Variants in SERINC3 observed in about 807,000 individuals in gnomAD.
The protein encoded by SERINC3 is tumor differentially expressed protein 1.
A neutral mutation model predicts 52.1 loss-of-function variants in SERINC3; 22 were observed. The observed-to-expected ratio is 0.42, with a 90% CI of 0.30 to 0.60. The LOEUF is 0.60. Ranked by LOEUF, SERINC3 falls within the 20% of genes least tolerant of loss-of-function variation. SERINC3 has a pLI of 0.16. For synonymous variants in SERINC3, 226 were observed against 212.7 expected (o/e 1.06, Z -0.54); for missense variants, 564 against 584.6 (o/e 0.96, Z 0.36).
intron 1 of SERINC3, among the ~76,000 whole-genome samples, chr20:44,515,759 T>A (rs2064376533): frequency 6.6e-6 from 1 of 151,834 alleles, no homozygotes; most frequent in Non-Finnish European, 1.5e-5. Context: ...CAAGCAATTC[T>A]TGTGCTTTAG....
chr20:44,503,375 T>A (rs1224468949), intron 8 of SERINC3, among the ~76,000 whole-genome samples: 1 of 152,208 alleles, frequency 6.6e-6, no homozygotes, highest in Non-Finnish European at 1.5e-5. Context: ...AGGCTGGGCA[T>A]GGTGGCTCAC....
In SERINC3 at chr20:44,503,953, A is replaced by G. The variant is rs1293850731; in HGVS notation, c.917T>C (p.Ile306Thr). The G allele has an allele frequency of 1.2e-6, 2 of 1,602,064 alleles. No individual in the cohort carries two copies. Among genetic ancestry groups the G allele is most frequent in the Non-Finnish European group, 1.7e-6 (2 of 1,176,596 alleles). The change falls in exon 8 of 10, where the codon ATA (isoleucine) becomes ACA (threonine). Residue 306 changes from isoleucine (I) to threonine (T), a missense_variant. Physicochemically the swap from Ile to Thr is moderately conservative, Grantham distance 89. Transcript: ENST00000342374. ...TCCAGGAGCCAGGGTTGGTGCAGTT[A>G]TGCGTGTAATAAAGCTCATCAGGTT... Reference protein sequence around the residue: ...NPNLMSFITRITAPTLAPGNS... With the variant: ...NPNLMSFITRTTAPTLAPGNS...
chr20:44,510,359 G>A (rs993437053), intron 4 of SERINC3, among the ~76,000 whole-genome samples: 8 of 152,202 alleles, frequency 5.3e-5, no homozygotes, highest in African/African-American at 1.7e-4. Context: ...AGATAGGGGA[G>A]CACAAGAGTT....
chr20:44,516,632 T>G (rs1371899935), intron 1 of SERINC3, among the ~76,000 whole-genome samples: 2 of 152,132 alleles, frequency 1.3e-5, no homozygotes, highest in African/African-American at 4.8e-5. Flanking sequence ...CCTCAAGTGA[T>G]CTGCCCGCCT....
Position 44,513,921 on chromosome 20 carries a change from G to C in SERINC3, c.159C>G (p.Ser53=). Residue 53 remains serine, a synonymous_variant, in exon 2 of 10, where the codon TCC becomes TCG. Transcript: ENST00000342374. Reference sequence around the variant, plus strand: ...CCATCTCTTTTCTCTGCATGATATAGGATACGACAGTGCTCAGGAGGAGAA... The same window carrying C: ...CCATCTCTTTTCTCTGCATGATATACGATACGACAGTGCTCAGGAGGAGAA... ...AFILLLSTVV[S]YIMQRKEMET... is the part of the protein sequence containing the mutation. 1 of 1,614,004 alleles carries C rather than the reference G, an allele frequency of 6.2e-7. No homozygotes were observed. The highest frequency in any genetic ancestry group is 8.5e-7 in the Non-Finnish European group (1 of 1,179,964).
In SERINC3 at chr20:44,498,569, C is replaced by A. The variant is rs1469427222; in HGVS notation, c.*1727G>T. 4 of 151,772 alleles carry A rather than the reference C, an allele frequency of 2.6e-5. No homozygotes were observed. The highest frequency in any genetic ancestry group is 3.9e-4 in the East Asian group (2 of 5,176). The allele number at this position is 151,772 out of a possible 1,614,324, so 9.4% of individuals were successfully genotyped here. A position where few individuals can be genotyped will look rare whatever the true frequency, so the allele number is the denominator to read the frequency against. The stretch of plus-strand genomic sequence containing the variant: ...CCAGCCTGGGCGACAGAGCAAGACT[C>A]CGTCTCAAAAAAAAAAATTAAAATT... On this transcript the variant is annotated 3_prime_UTR_variant, in exon 10 of 10. Transcript: ENST00000342374.
In SERINC3 at chr20:44,498,616, C is replaced by A. The variant is rs1041478131; in HGVS notation, c.*1680G>T. 6.6e-6 allele frequency: 1 copy of A among 152,082 alleles called. No individual in the cohort carries two copies. The highest frequency in any genetic ancestry group is 1.5e-5 in the Non-Finnish European group (1 of 68,030). The allele number at this position is 152,082 out of a possible 1,614,324, so 9.4% of individuals were successfully genotyped here. A position where few individuals can be genotyped will look rare whatever the true frequency, so the allele number is the denominator to read the frequency against. On this transcript the variant is annotated 3_prime_UTR_variant, in exon 10 of 10. Transcript: ENST00000342374. ...AATTGAAAAAAAAAAATTCTAATTG[C>A]TAAGTAGCCCTCACCTGTCAATTTC...
At chr20:44,520,212 T>C (rs1314203353) in intron 1 of SERINC3, among the ~76,000 whole-genome samples, 1 of 152,104 alleles carries the variant, frequency 6.6e-6, no homozygotes, top group Non-Finnish European at 1.5e-5. Flanking sequence ...CCCGTCTTTA[T>C]TGAAAATACA....
At chr20:44,496,757 G>A (rs1470914222), downstream of SERINC3, among the ~76,000 whole-genome samples, 1 of 152,190 alleles carries the variant, frequency 6.6e-6, no homozygotes, top group East Asian at 1.9e-4. Context: ...TGGCACCACT[G>A]CACTCCAGCC....
Position 44,504,788 on chromosome 20 carries a change from G to T in SERINC3, c.874+13C>A. 6.3e-7 allele frequency: 1 copy of T among 1,586,618 alleles called. No individual in the cohort carries two copies. The highest frequency in any genetic ancestry group is 8.6e-7 in the Non-Finnish European group (1 of 1,157,236). ...CTTTTTATCAAATGAATGTGTTATTGACATTCCCTTACCAGGTTCATTGGA... is the reference window on the plus strand; with the variant it reads ...CTTTTTATCAAATGAATGTGTTATTTACATTCCCTTACCAGGTTCATTGGA... On this transcript the variant is annotated intron_variant, in intron 7 of 9. Transcript: ENST00000342374.
At chr20:44,517,676 C>A (rs745832358) in intron 1 of SERINC3, among the ~76,000 whole-genome samples, 9 of 151,998 alleles carry the variant, frequency 5.9e-5, no homozygotes, top group African/African-American at 2.2e-4. Flanking sequence ...TCATCCCAGA[C>A]TTCCAGCCTC....
chr20:44,519,698 A>G (rs368274863), intron 1 of SERINC3, among the ~76,000 whole-genome samples: 3 of 152,040 alleles, frequency 2.0e-5, no homozygotes, highest in African/African-American at 7.2e-5. Context: ...AGGTGGGAGG[A>G]TCACTTGAAT....
At chr20:44,511,205 C>T (rs2064345268) in intron 4 of SERINC3, 84 bp downstream of exon 4, 19 of 993,148 alleles carry the variant, frequency 1.9e-5, no homozygotes, top group Non-Finnish European at 3.0e-5. Context: ...TGAGCCACTG[C>T]ACCCGGCCTA....
At chr20:44,510,115 C>T in intron 4 of SERINC3, 87 bp from the exon 5 acceptor site, 2 of 1,313,306 alleles carry the variant, frequency 1.5e-6, no homozygotes, top group Non-Finnish European at 2.2e-6. Context: ...TCAATTAAAA[C>T]AAGACAGAGG....
intron 6 of SERINC3, among the ~76,000 whole-genome samples, chr20:44,505,298 T>G (rs917761686): frequency 6.6e-6 from 1 of 152,190 alleles, no homozygotes; most frequent in African/African-American, 2.4e-5. Context: ...TTCATATCTA[T>G]AACTCCATGA....
In SERINC3 at chr20:44,515,443, G is replaced by A. The variant is rs960692793; in HGVS notation, c.40-1403C>T. On this transcript the variant is annotated intron_variant, in intron 1 of 9. Transcript: ENST00000342374. ...AACATCATGCAAAGTTATTTAAAAAGCCAGACATGAAAGGTCACATACTGT... is the reference window on the plus strand; with the variant it reads ...AACATCATGCAAAGTTATTTAAAAAACCAGACATGAAAGGTCACATACTGT... 5.9e-5 allele frequency among the ~76,000 whole-genome samples: 9 copies of A among 152,218 alleles called. No homozygotes were observed. The South Asian group carries it at 1.5e-3, about 25-fold the overall frequency.
intron 5 of SERINC3, among the ~76,000 whole-genome samples, chr20:44,508,777 G>A (rs965789041): frequency 7.2e-5 from 11 of 152,130 alleles, no homozygotes; most frequent in South Asian, 2.1e-4. Context: ...GTACAATCCT[G>A]TTTACATTTA....
At chr20:44,502,662 A>T (rs925004490) in intron 8 of SERINC3, among the ~76,000 whole-genome samples, 8 of 151,714 alleles carry the variant, frequency 5.3e-5, no homozygotes, top group Non-Finnish European at 8.8e-5. Flanking sequence ...ACCCAGGTGG[A>T]CTGTAGTAGT....
At chr20:44,516,264 T>C (rs1483074181) in intron 1 of SERINC3, among the ~76,000 whole-genome samples, 2 of 152,056 alleles carry the variant, frequency 1.3e-5, no homozygotes, top group African/African-American at 4.8e-5. Flanking sequence ...ATTGTGCCAC[T>C]GCACTCCAGC....
Sources: gnomAD v4.1 joint callset for allele counts (sites outside exome capture counted in the v4.1 genomes callset) on GRCh38, gnomAD v4.1.1 for gene constraint, MANE v1.5 for transcripts, NCBI Gene and HGNC (gene_info 2026-07-23, HGNC 2026-07-21) for gene names.